NAV3: variants seen among roughly 807,000 people sequenced by gnomAD.
The protein encoded by NAV3 is neuron navigator 3, also known as pore membrane and/or filament interacting like protein 1.
Under a neutral mutation model 244.7 loss-of-function variants are expected in NAV3, and 87 were observed. That is an observed-to-expected ratio of 0.36 (90% CI 0.30 to 0.42). The LOEUF (loss-of-function observed/expected upper bound fraction) is 0.42, where lower values mean the gene tolerates loss of function less well. Among genes scored for constraint, NAV3 ranks in the 20% least tolerant of loss-of-function variants. The pLI is 1.00. For synonymous variants in NAV3, 1,126 were observed against 1,042.2 expected (o/e 1.08, Z -1.55); for missense variants, 2,663 against 2,893.3 (o/e 0.92, Z 1.83).
intron 12 of NAV3, among the ~76,000 whole-genome samples, chr12:78,078,265 G>A (rs1224834124): frequency 2.0e-5 from 3 of 151,442 alleles, no homozygotes; most frequent in Non-Finnish European, 4.4e-5. Context: ...CAAATTTTTG[G>A]AAGGTACACA....
intron 2 of NAV3, among the ~76,000 whole-genome samples, chr12:77,698,376 C>T (rs570322829): frequency 6.6e-6 from 1 of 152,214 alleles, no homozygotes; most frequent in South Asian, 2.1e-4. Context: ...TATCACCCAT[C>T]ACTGGAAGAA....
chr12:78,104,724 T>C lies in NAV3; in HGVS notation c.2637-12048T>C, dbSNP rs565605362. Among the ~76,000 whole-genome samples the C allele has an allele frequency of 2.0e-5, 3 of 152,304 alleles. No individual in the cohort carries two copies. The South Asian group carries it at 6.2e-4, about 32-fold the overall frequency. On this transcript the variant is annotated intron_variant, in intron 12 of 39. Transcript: ENST00000397909. ...TTTTATTATTGTTCAGTTCTGAATTTTGACATATGCATCAAGCCATGCAAC... is the reference window on the plus strand; with the variant it reads ...TTTTATTATTGTTCAGTTCTGAATTCTGACATATGCATCAAGCCATGCAAC...
intron 2 of NAV3, among the ~76,000 whole-genome samples, chr12:77,669,934 A>G (rs935529697): frequency 1.3e-5 from 2 of 152,064 alleles, no homozygotes; most frequent in Non-Finnish European, 2.9e-5. Context: ...CCAGCAGAAG[A>G]AAAGAACGAA....
chr12:77,863,744 A>G (rs1234253562), intron 1 of NAV3, among the ~76,000 whole-genome samples: 3 of 151,792 alleles, frequency 2.0e-5, no homozygotes, highest in Non-Finnish European at 4.4e-5. Context: ...ATGGAAATCT[A>G]TATAACCACA....
intron 1 of NAV3, among the ~76,000 whole-genome samples, chr12:77,894,469 A>G (rs1472724170): frequency 5.3e-5 from 8 of 152,206 alleles, no homozygotes; most frequent in African/African-American, 1.9e-4. Context: ...AAAAGTTTCG[A>G]GTTTAAAAAA....
chr12:78,137,347 A>G lies in NAV3; in HGVS notation c.4612A>G (p.Arg1538Gly). 1.2e-6 allele frequency: 2 copies of G among 1,611,962 alleles called. No individual in the cohort carries two copies. Among genetic ancestry groups the G allele is most frequent in the Non-Finnish European group, 1.7e-6 (2 of 1,179,364 alleles). Reference protein sequence around the residue: ...PRAISHSGSFRDSMEEVHGSS... With the variant: ...PRAISHSGSFGDSMEEVHGSS... ...TGCCATCAGTCATTCGGGCTCATTC[A>G]GAGACAGCATGGAAGAAGGTAAGCG... Residue 1538 changes from arginine to glycine, a missense_variant, in exon 19 of 40, where the codon AGA becomes GGA. By Grantham distance (125) the Arg-to-Gly change is moderately radical (BLOSUM62 -2). Coordinates refer to ENST00000397909, the MANE Select transcript of NAV3 (RefSeq NM_001024383.2).
chr12:78,004,916 T>G (rs939834553), intron 7 of NAV3, among the ~76,000 whole-genome samples: 3 of 152,154 alleles, frequency 2.0e-5, no homozygotes, highest in Admixed American at 6.6e-5. Context: ...TAATTCAGAG[T>G]CCCTCTTGTT....
At chr12:77,959,823 A>G (rs192819919) in intron 3 of NAV3, among the ~76,000 whole-genome samples, 1 of 138,918 alleles carries the variant, frequency 7.2e-6, no homozygotes, top group Admixed American at 8.3e-5. Context: ...TCCATTTCTC[A>G]CTCATTTGCC....
intron 20 of NAV3, 22 bp downstream of exon 20, chr12:78,140,356 A>G: frequency 6.2e-7 from 1 of 1,602,538 alleles, no homozygotes; most frequent in South Asian, 1.1e-5. Context: ...CTGTTAAGAA[A>G]AAGCTTGTGC....
chr12:77,783,587 G>A (rs1367828493), intron 2 of NAV3: 2 of 152,168 alleles, frequency 1.3e-5, no homozygotes, highest in Non-Finnish European at 1.5e-5. Flanking sequence ...TTAAAGTAAG[G>A]GGCCAGTTAT....
rs193061498 is a variant in NAV3 at position 77,889,139 on chromosome 12, G to T, written c.244-51180G>T. Among the ~76,000 whole-genome samples the T allele has an allele frequency of 1.2e-3, 182 of 152,232 alleles. 2 individuals are homozygous for T. Among genetic ancestry groups the T allele is most frequent in the African/African-American group, 4.1e-3 (171 of 41,530 alleles). On this transcript the variant is annotated intron_variant, in intron 1 of 39. Coordinates refer to ENST00000397909, the MANE Select transcript of NAV3 (RefSeq NM_001024383.2). ...CATTATTTTGGGTGTGTATATGAAG[G>T]CGTCTGGATGAGATTAACATTTAAA...
intron 2 of NAV3, among the ~76,000 whole-genome samples, chr12:77,821,383 T>G (rs575219620): frequency 5.6e-4 from 86 of 152,276 alleles, no homozygotes; most frequent in South Asian, 5.2e-3. Flanking sequence ...TTTAAATGTT[T>G]AAGAAAAGAT....
intron 12 of NAV3, among the ~76,000 whole-genome samples, chr12:78,093,650 A>ATCTGT (rs1954082220): frequency 6.6e-6 from 1 of 152,200 alleles, no homozygotes; most frequent in African/African-American, 2.4e-5. Flanking sequence ...GGGAAAAAAA[A>ATCTGT]AGTACAGTAT....
upstream of NAV3, among the ~76,000 whole-genome samples, chr12:77,826,602 G>A (rs1404585380): frequency 6.6e-6 from 1 of 152,142 alleles, no homozygotes; most frequent in Non-Finnish European, 1.5e-5. Flanking sequence ...GAATGCATTT[G>A]AGCCATAGAA....
chr12:78,052,620 A>G (rs192288365), intron 11 of NAV3, among the ~76,000 whole-genome samples: 80 of 152,302 alleles, frequency 5.3e-4, no homozygotes, highest in African/African-American at 1.8e-3. Flanking sequence ...ATTATCATTA[A>G]TAACCATACC....
chr12:78,039,212 T>C (rs1880435106), intron 9 of NAV3, among the ~76,000 whole-genome samples: 1 of 152,142 alleles, frequency 6.6e-6, no homozygotes, highest in Non-Finnish European at 1.5e-5. Context: ...TTGTTGAATA[T>C]ATCTACGCCC....
intron 2 of NAV3, among the ~76,000 whole-genome samples, chr12:77,779,479 T>A (rs1053730032): frequency 1.3e-5 from 2 of 152,170 alleles, no homozygotes; most frequent in Non-Finnish European, 2.9e-5. Context: ...CTCCATGAAG[T>A]TCAATGTGAA....
Position 77,768,448 on chromosome 12 carries a change from C to T in NAV3, c.73-171871C>T, listed in dbSNP as rs368547144. On this transcript the variant is annotated intron_variant, in intron 2 of 8. Coordinates refer to the NAV3 transcript ENST00000550042. Reference sequence around the variant, plus strand: ...CACCAAGCTGCCCTTAGTGCCCCCTCGGCCTCCCTTCTGTGCTTAGCATCA... The same window carrying T: ...CACCAAGCTGCCCTTAGTGCCCCCTTGGCCTCCCTTCTGTGCTTAGCATCA... Among the ~76,000 whole-genome samples, 26 of 152,318 alleles carry T rather than the reference C, an allele frequency of 1.7e-4. 1 individual carries two copies. The highest frequency in any genetic ancestry group is 3.4e-3 in the Middle Eastern group (1 of 294).
chr12:77,674,802 T>TG (rs1874137222), intron 2 of NAV3, among the ~76,000 whole-genome samples: 1 of 152,338 alleles, frequency 6.6e-6, no homozygotes, highest in South Asian at 2.1e-4. Flanking sequence ...GGCTTGATAG[T>TG]GAAGATATAT....
Sources: allele counts gnomAD v4.1 joint callset (sites outside exome capture counted in the v4.1 genomes callset), GRCh38; gene constraint gnomAD v4.1.1; transcripts MANE v1.5; gene names NCBI Gene and HGNC (gene_info 2026-07-23, HGNC 2026-07-21).